PCDHGB5: variants seen among roughly 807,000 people sequenced by gnomAD.
PCDHGB5 encodes the protein protocadherin gamma subfamily B, 5.
PCDHGB5 carries 48 observed loss-of-function variants against 62.9 expected under a neutral mutation model. That is an observed-to-expected ratio of 0.76 (90% CI 0.61 to 0.97). The LOEUF (loss-of-function observed/expected upper bound fraction) is 0.97, where lower values mean the gene tolerates loss of function less well. PCDHGB5 is among the 50% of genes least tolerant of loss of function. The pLI, the probability that PCDHGB5 is intolerant of heterozygous loss-of-function variation, is 0.00. For synonymous variants in PCDHGB5, 474 were observed against 511.2 expected, an observed-to-expected ratio of 0.93 and a Z score of 0.98; for missense variants, 1,118 against 1,198.6, an observed-to-expected ratio of 0.93 and a Z score of 0.99.
chr5:141,473,944 C>T (rs1279694347), intron 1 of PCDHGB5, among the ~76,000 whole-genome samples: 1 of 152,156 alleles, frequency 6.6e-6, no homozygotes, highest in Non-Finnish European at 1.5e-5. Context: ...TAGCTCAGGC[C>T]TGTAGTCCCA....
intron 1 of PCDHGB5, chr5:141,409,913 G>A: frequency 6.2e-7 from 1 of 1,613,334 alleles, no homozygotes; most frequent in South Asian, 1.1e-5. Flanking sequence ...GGGTCCTGAC[G>A]GCTCCGCGTT....
chr5:141,466,450 G>A lies in PCDHGB5; in HGVS notation c.2398-28357G>A, dbSNP rs139024933. Reference sequence around the variant, plus strand: ...TAAGCTGAACCGAGATGTCTATGGTGTTGGCTATTGTTTCTGCTGTTAATT... The same window carrying A: ...TAAGCTGAACCGAGATGTCTATGGTATTGGCTATTGTTTCTGCTGTTAATT... On this transcript the variant is annotated intron_variant, in intron 1 of 3. Coordinates refer to ENST00000617380, the MANE Select transcript of PCDHGB5 (RefSeq NM_018925.3). Among the ~76,000 whole-genome samples, 714 of 152,290 alleles carry A rather than the reference G, an allele frequency of 4.7e-3. 2 individuals are homozygous for A. Among genetic ancestry groups the A allele is most frequent in the Non-Finnish European group, 7.0e-3 (479 of 68,028 alleles).
At chr5:141,423,029 A>C (rs1049470142) in intron 1 of PCDHGB5, 1 of 1,614,218 alleles carries the variant, frequency 6.2e-7, no homozygotes, top group Non-Finnish European at 8.5e-7. Context: ...GATTCAGGCC[A>C]GAACGCCTGG....
chr5:141,472,009 G>A (rs917861040), intron 1 of PCDHGB5, among the ~76,000 whole-genome samples: 11 of 152,074 alleles, frequency 7.2e-5, no homozygotes, highest in African/African-American at 2.7e-4. Flanking sequence ...TCGTATAGGG[G>A]CACTATATTG....
chr5:141,478,102 C>T, intron 1 of PCDHGB5: 1 of 1,614,126 alleles, frequency 6.2e-7, no homozygotes, highest in South Asian at 1.1e-5. Flanking sequence ...CTGCTACCCT[C>T]ACTGTGTCAG....
chr5:141,433,220 T>A (rs781745522), intron 1 of PCDHGB5: 2 of 1,509,720 alleles, frequency 1.3e-6, no homozygotes, highest in Non-Finnish European at 1.8e-6. Flanking sequence ...TTTTTTTTTT[T>A]AATTGCTCTG....
At chr5:141,501,470 TG>T (rs1206698871) in intron 2 of PCDHGB5, among the ~76,000 whole-genome samples, 1 of 152,068 alleles carries the variant, frequency 6.6e-6, no homozygotes, top group African/African-American at 2.4e-5. Flanking sequence ...CCCCAAATCC[TG>T]GAAGAGTCCC....
Position 141,415,740 on chromosome 5 carries a change from GTTTTTTTTTTTTTTTTTTT to G in PCDHGB5, c.2397+15230_2397+15248del, listed in dbSNP as rs57426385. ...TGAGTAGAATTTGATGTTTATTAAG[GTTTTTTTTTTTTTTTTTTT>G]TTTTTTTTTTTTTACTTTCTGGTAA... is the stretch of plus-strand genomic sequence containing the variant. On this transcript the variant is annotated intron_variant, in intron 1 of 3. Coordinates refer to ENST00000617380, the MANE Select transcript of PCDHGB5 (RefSeq NM_018925.3). The G allele has an allele frequency of 6.7e-5, 42 of 625,046 alleles. No individual in the cohort carries two copies. In the African/African-American group the frequency reaches 7.3e-4, roughly 11 times the overall value. 38.7% of individuals were successfully genotyped at this position (625,046 alleles called of 1,614,324 possible).
Position 141,431,560 on chromosome 5 carries a change from C to G in PCDHGB5, c.2397+31036C>G, listed in dbSNP as rs751276470. The G allele has an allele frequency of 6.2e-7, 1 of 1,613,986 alleles. No individual in the cohort carries two copies. The highest frequency in any genetic ancestry group is 1.7e-5 in the Admixed American group (1 of 60,016). On this transcript the variant is annotated intron_variant, in intron 1 of 3. Transcript: ENST00000617380. This position sits in a 1 kb window ranked among gnomAD's most constrained non-coding sequence, Gnocchi z 4.8. Reference sequence around the variant, plus strand: ...CGCAGCTGCTTGTAGTCAACGCTACCGACCCTGACGAAGGAGTCAATGCGG... The same window carrying G: ...CGCAGCTGCTTGTAGTCAACGCTACGGACCCTGACGAAGGAGTCAATGCGG...
chr5:141,398,075 A>T lies in PCDHGB5; in HGVS notation c.-53A>T. Reference sequence around the variant, plus strand: ...TCCAAAAATCTACAATACAGAGGTTATTTGTAACCTGGCGTCTCCAGGCTG... The same window carrying T: ...TCCAAAAATCTACAATACAGAGGTTTTTTGTAACCTGGCGTCTCCAGGCTG... On this transcript the variant is annotated 5_prime_UTR_variant, in exon 1 of 4. Coordinates refer to ENST00000617380, the MANE Select transcript of PCDHGB5 (RefSeq NM_018925.3). 6.3e-7 allele frequency: 1 copy of T among 1,592,106 alleles called. No individual in the cohort carries two copies. Among genetic ancestry groups the T allele is most frequent in the Non-Finnish European group, 8.6e-7 (1 of 1,169,458 alleles).
Position 141,486,142 on chromosome 5 carries a change from C to T in PCDHGB5, c.2398-8665C>T. 6.2e-7 allele frequency: 1 copy of T among 1,614,200 alleles called. No homozygotes were observed. The highest frequency in any genetic ancestry group is 1.3e-5 in the African/African-American group (1 of 75,052). ...ACTATGAATTTGATGTGCGGGCTCG[C>T]GATGGGGGTTCTCCAGCCATGGAGC... On this transcript the variant is annotated intron_variant, in intron 1 of 3. Coordinates refer to ENST00000617380, the MANE Select transcript of PCDHGB5 (RefSeq NM_018925.3). This position sits in a 1 kb window ranked among gnomAD's most constrained non-coding sequence, Gnocchi z 5.0.
rs113212669 is a variant in PCDHGB5 at position 141,465,048 on chromosome 5, A to T, written c.2398-29759A>T. 2.4e-3 allele frequency among the ~76,000 whole-genome samples: 362 copies of T among 151,344 alleles called. 4 individuals are homozygous for T. Among genetic ancestry groups the T allele is most frequent in the African/African-American group, 8.4e-3 (346 of 41,268 alleles). On this transcript the variant is annotated intron_variant, in intron 1 of 3. Transcript: ENST00000617380. ...TGAACCACCACAAATGACCCTATAT[A>T]TTTTTTTGAATTGTCTGTTCATGTC...
chr5:141,402,955 G>A (rs753305536), intron 1 of PCDHGB5: 3 of 1,601,910 alleles, frequency 1.9e-6, no homozygotes, highest in Non-Finnish European at 2.6e-6. Context: ...AGGCAGCAAT[G>A]GCAGCTCCAA....
chr5:141,456,389 TTTGA>T (rs1181323617), intron 1 of PCDHGB5, among the ~76,000 whole-genome samples: 2 of 152,074 alleles, frequency 1.3e-5, no homozygotes, highest in Non-Finnish European at 2.9e-5. Flanking sequence ...CCGTTTGGAG[TTTGA>T]TTGCTTCTAG....
intron 1 of PCDHGB5, chr5:141,426,560 G>A (rs1358683534): frequency 5.7e-6 from 2 of 352,756 alleles, no homozygotes; most frequent in South Asian, 2.1e-5. Flanking sequence ...AGAATAGATC[G>A]AGAGTCACTG....
intron 1 of PCDHGB5, chr5:141,404,633 G>C: frequency 6.2e-7 from 1 of 1,614,170 alleles, no homozygotes; most frequent in Non-Finnish European, 8.5e-7. Flanking sequence ...CAATGCCCCA[G>C]AAATCCTGTA....
rs139608956 is a variant in PCDHGB5, at chr5:141,510,637, A to G, written c.2546-310A>G. Among the ~76,000 whole-genome samples, 4 of 152,242 alleles carry G rather than the reference A, an allele frequency of 2.6e-5. No individual in the cohort carries two copies. The East Asian group carries it at 7.7e-4, about 29-fold the overall frequency. ...ACTAAAACCAGAAGAGGTGGTTACC[A>G]TTATCATCCCCATTTTGCAGATGAG... On this transcript the variant is annotated intron_variant, in intron 3 of 3. Transcript: ENST00000617380.
Position 141,477,780 on chromosome 5 carries a change from T to C in PCDHGB5, c.2398-17027T>C. On this transcript the variant is annotated intron_variant, in intron 1 of 3. Coordinates refer to ENST00000617380, the MANE Select transcript of PCDHGB5 (RefSeq NM_018925.3). The surrounding 1 kb of genome is among the most constrained non-coding windows in gnomAD (Gnocchi z 4.9). ...CTAGCCACCAACATCAGCGTGAACA[T>C]ATTTGTCACTGATCGCAATGACAAT... 6.2e-7 allele frequency: 1 copy of C among 1,614,048 alleles called. No homozygotes were observed. Among genetic ancestry groups the C allele is most frequent in the Non-Finnish European group, 8.5e-7 (1 of 1,180,030 alleles).
At position 141,431,248 on chromosome 5, in the gene PCDHGB5, G is replaced by T. The variant is rs1213088915; in HGVS notation, c.2397+30724G>T. ...CCCACGCCTGGGATCCGGATATCGG[G>T]AAGAACTCTCTGCAGAGCTACGAGC... On this transcript the variant is annotated intron_variant, in intron 1 of 3. Coordinates refer to ENST00000617380, the MANE Select transcript of PCDHGB5 (RefSeq NM_018925.3). The surrounding 1 kb of genome is among the most constrained non-coding windows in gnomAD (Gnocchi z 4.8). 6.2e-7 allele frequency: 1 copy of T among 1,614,022 alleles called. No individual in the cohort carries two copies. The highest frequency in any genetic ancestry group is 8.5e-7 in the Non-Finnish European group (1 of 1,180,056).
Sources: allele counts gnomAD v4.1 joint callset (sites outside exome capture counted in the v4.1 genomes callset), GRCh38; gene constraint gnomAD v4.1.1; non-coding constraint Gnocchi (gnomAD v3.1); transcripts MANE v1.5; gene names NCBI Gene and HGNC (gene_info 2026-07-23, HGNC 2026-07-21).